PRKCE: variants seen among roughly 807,000 people sequenced by gnomAD.
The protein encoded by PRKCE is protein kinase C epsilon.
A neutral mutation model predicts 85.4 loss-of-function variants in PRKCE; 16 were observed. The ratio of observed to expected loss-of-function variants is 0.19; its 90% CI spans 0.13 to 0.28. PRKCE has a LOEUF of 0.28. Ranked by LOEUF, PRKCE falls within the 10% of genes least tolerant of loss-of-function variation. PRKCE has a pLI of 1.00. For synonymous variants in PRKCE, 388 were observed against 371.5 expected, an observed-to-expected ratio of 1.04 and a Z score of -0.51; for missense variants, 573 against 975.2, an observed-to-expected ratio of 0.59 and a Z score of 5.49.
chr2:45,940,330 A>T (rs1558862400), intron 2 of PRKCE, among the ~76,000 whole-genome samples: 1 of 152,196 alleles, frequency 6.6e-6, no homozygotes, highest in Non-Finnish European at 1.5e-5. Flanking sequence ...AGCTACTGGG[A>T]TTTGGGAAAC....
intron 2 of PRKCE, among the ~76,000 whole-genome samples, chr2:45,942,211 T>C (rs1558864840): frequency 6.6e-6 from 1 of 152,214 alleles, no homozygotes; most frequent in African/African-American, 2.4e-5. Flanking sequence ...CTGTTACATG[T>C]TGACAGGCTG....
Position 46,068,831 on chromosome 2 carries a change from TTG to T in PRKCE, c.1438-17374_1438-17373del, listed in dbSNP as rs1461939910. On this transcript the variant is annotated intron_variant, in intron 10 of 14. Coordinates refer to ENST00000306156, the MANE Select transcript of PRKCE (RefSeq NM_005400.3). The surrounding 1 kb of genome is among the most constrained non-coding windows in gnomAD (Gnocchi z 4.3). ...AAAAGAGATCAGCTCAAGTAGGGAC[TTG>T]TGAGATACCAGATTGAAATTTAGAT... Among the ~76,000 whole-genome samples the T allele has an allele frequency of 6.6e-6, 1 of 152,208 alleles. No homozygotes were observed. The highest frequency in any genetic ancestry group is 2.4e-5 in the African/African-American group (1 of 41,452).
intron 1 of PRKCE, among the ~76,000 whole-genome samples, chr2:45,766,300 A>G (rs1423825086): frequency 2.0e-5 from 3 of 152,206 alleles, no homozygotes; most frequent in Non-Finnish European, 4.4e-5. Flanking sequence ...CAAATGTTCT[A>G]TTACCTTTTT....
intron 1 of PRKCE, among the ~76,000 whole-genome samples, chr2:45,771,426 T>G (rs1361472818): frequency 4.6e-5 from 7 of 152,054 alleles, no homozygotes; most frequent in African/African-American, 1.7e-4. Flanking sequence ...ACCTCCCCTC[T>G]CCAGCGGGTG....
At chr2:45,727,675 G>C (rs944732087) in intron 1 of PRKCE, among the ~76,000 whole-genome samples, 1 of 152,076 alleles carries the variant, frequency 6.6e-6, no homozygotes, top group African/African-American at 2.4e-5. Context: ...TTATTTTTAA[G>C]ACGGAGTCTC....
chr2:45,885,530 C>G (rs1695231196), intron 2 of PRKCE, among the ~76,000 whole-genome samples: 1 of 152,190 alleles, frequency 6.6e-6, no homozygotes, highest in Non-Finnish European at 1.5e-5. Flanking sequence ...CAAAACAAGC[C>G]TGGACCACTT....
In PRKCE at chr2:46,128,033, A is replaced by G. The variant is rs184410725; in HGVS notation, c.1593-17060A>G. Among the ~76,000 whole-genome samples the G allele has an allele frequency of 3.4e-3, 513 of 152,366 alleles. 1 individual carries two copies. Among genetic ancestry groups the G allele is most frequent in the Non-Finnish European group, 5.4e-3 (368 of 68,038 alleles). On this transcript the variant is annotated intron_variant, in intron 11 of 14. Coordinates refer to ENST00000306156, the MANE Select transcript of PRKCE (RefSeq NM_005400.3). ...CACTGAGGTACGCCCTTTGTGGCAG[A>G]CAGAGTCTGCTACAGTGGGCAGTAA...
At chr2:46,049,611 A>G (rs531460334) in intron 10 of PRKCE, among the ~76,000 whole-genome samples, 3 of 152,314 alleles carry the variant, frequency 2.0e-5, no homozygotes, top group Admixed American at 6.5e-5. Context: ...GCTGCAGGAA[A>G]TACCTTCTAG....
intron 2 of PRKCE, among the ~76,000 whole-genome samples, chr2:45,879,479 C>T (rs768643091): frequency 1.3e-5 from 2 of 152,200 alleles, no homozygotes; most frequent in African/African-American, 2.4e-5. Context: ...GGCAGAGGGT[C>T]CACTGAGCTA....
chr2:45,912,312 C>G (rs1329600729), intron 2 of PRKCE, among the ~76,000 whole-genome samples: 2 of 152,122 alleles, frequency 1.3e-5, no homozygotes, highest in African/African-American at 2.4e-5. Context: ...AGATAGAGGG[C>G]CCCAGGATCC....
chr2:46,051,144 C>T (rs1205450780), intron 10 of PRKCE, among the ~76,000 whole-genome samples: 2 of 152,230 alleles, frequency 1.3e-5, no homozygotes, highest in African/African-American at 4.8e-5. Flanking sequence ...GTTCCTCCCG[C>T]AAGAGTAAGC....
At chr2:45,724,193 A>G (rs1050719357) in intron 1 of PRKCE, among the ~76,000 whole-genome samples, 1 of 152,084 alleles carries the variant, frequency 6.6e-6, no homozygotes, top group Non-Finnish European at 1.5e-5. Context: ...TGTTCACTTC[A>G]TGTCTCTGTG....
chr2:46,026,772 A>G (rs554186874), intron 10 of PRKCE, among the ~76,000 whole-genome samples: 27 of 152,342 alleles, frequency 1.8e-4, no homozygotes, highest in African/African-American at 6.0e-4. Context: ...ACAGCTGACT[A>G]CAGAAGGAAA....
intron 2 of PRKCE, among the ~76,000 whole-genome samples, chr2:45,929,943 G>T (rs971650871): frequency 6.6e-6 from 1 of 152,236 alleles, no homozygotes; most frequent in Non-Finnish European, 1.5e-5. Flanking sequence ...GCCCAGCATA[G>T]TGCCTGGGCC....
rs70937991 is a variant in PRKCE at position 46,123,214 on chromosome 2, C to CTTTTTTTTTTTTTT, written c.1593-21863_1593-21850dup. 9.9e-4 allele frequency among the ~76,000 whole-genome samples: 27 copies of CTTTTTTTTTTTTTT among 27,370 alleles called. 11 individuals carry two copies. Among genetic ancestry groups the CTTTTTTTTTTTTTT allele is most frequent in the Admixed American group, 2.7e-3 (4 of 1,468 alleles). 18.0% of individuals were successfully genotyped at this position (27,370 alleles called of 152,430 possible). ...AAGCTTTACAAAGGAAAACACTTGC[C>CTTTTTTTTTTTTTT]TTTTTTTTTTTTTTTTTTTTTTTTT... On this transcript the variant is annotated intron_variant, in intron 11 of 14. Coordinates refer to ENST00000306156, the MANE Select transcript of PRKCE (RefSeq NM_005400.3).
intron 10 of PRKCE, among the ~76,000 whole-genome samples, chr2:46,046,356 A>G (rs1708523110): frequency 6.6e-6 from 1 of 152,200 alleles, no homozygotes; most frequent in Admixed American, 6.5e-5. Context: ...CATTTCCCCC[A>G]ACAATATGCA....
At chr2:46,108,379 A>G (rs775273030) in intron 11 of PRKCE, among the ~76,000 whole-genome samples, 2 of 152,212 alleles carry the variant, frequency 1.3e-5, no homozygotes, top group Non-Finnish European at 2.9e-5. Flanking sequence ...ATTGGAGGCC[A>G]TTGTCTTAAG....
chr2:45,815,516 T>A (rs569801079), intron 1 of PRKCE, among the ~76,000 whole-genome samples: 1 of 152,330 alleles, frequency 6.6e-6, no homozygotes, highest in Admixed American at 6.5e-5. Flanking sequence ...TTTGTCTTTT[T>A]CTTCCTCGGT....
Position 46,159,939 on chromosome 2 carries a change from T to G in PRKCE, c.2067+187T>G, listed in dbSNP as rs1677592053. 4.9e-6 allele frequency: 3 copies of G among 617,694 alleles called. No individual in the cohort carries two copies. In the East Asian group the frequency reaches 9.9e-5, roughly 20 times the overall value. The allele number at this position is 617,694 out of a possible 1,614,324, so 38.3% of individuals were successfully genotyped here. ...CCCCAAGTGTTTACTATTGAAAACA[T>G]GTAACCTACTACAGCAGCACCCAAG... On this transcript the variant is annotated intron_variant, in intron 14 of 14. Coordinates refer to ENST00000306156, the MANE Select transcript of PRKCE (RefSeq NM_005400.3). This position sits in a 1 kb window ranked among gnomAD's most constrained non-coding sequence, Gnocchi z 4.1.
Sources: gnomAD v4.1 joint callset for allele counts (sites outside exome capture counted in the v4.1 genomes callset) on GRCh38, gnomAD v4.1.1 for gene constraint, Gnocchi (gnomAD v3.1) non-coding constraint, MANE v1.5 for transcripts, NCBI Gene and HGNC (gene_info 2026-07-23, HGNC 2026-07-21) for gene names.